The following GRM8 variants were observed in gnomAD, a reference collection of about 807,000 sequenced individuals.
GRM8 encodes metabotropic glutamate receptor 8.
GRM8 carries 47 observed loss-of-function variants against 87.2 expected under a neutral mutation model. The observed-to-expected ratio is 0.54, with a 90% CI of 0.43 to 0.69. The LOEUF (loss-of-function observed/expected upper bound fraction) is 0.69, where lower values mean the gene tolerates loss of function less well. GRM8 is among the 30% of genes least tolerant of loss of function. The pLI, the probability that GRM8 is intolerant of heterozygous loss-of-function variation, is 0.00. For missense variants in GRM8, 1,019 were observed against 1,139.2 expected, an observed-to-expected ratio of 0.89 and a Z score of 1.52; for synonymous variants, 396 against 404.5, an observed-to-expected ratio of 0.98 and a Z score of 0.25.
chr7:126,522,587 A>G (rs1317538612), intron 9 of GRM8, among the ~76,000 whole-genome samples: 1 of 152,190 alleles, frequency 6.6e-6, no homozygotes, highest in Non-Finnish European at 1.5e-5. Context: ...AAAAAGGAAT[A>G]TGTGGCCTCC....
At chr7:127,165,342 C>T (rs543513675) in intron 2 of GRM8, among the ~76,000 whole-genome samples, 43 of 151,500 alleles carry the variant, frequency 2.8e-4, no homozygotes, top group African/African-American at 9.7e-4. Context: ...AGTTTTTAAG[C>T]TCATTTTACT....
intron 9 of GRM8, among the ~76,000 whole-genome samples, chr7:126,526,849 A>G (rs1813922970): frequency 6.6e-6 from 1 of 152,226 alleles, no homozygotes; most frequent in Non-Finnish European, 1.5e-5. Flanking sequence ...CTTCACAAGC[A>G]TATCATTTAA....
At chr7:126,932,761 G>T (rs1805898151) in intron 3 of GRM8, among the ~76,000 whole-genome samples, 1 of 152,152 alleles carries the variant, frequency 6.6e-6, no homozygotes, top group Non-Finnish European at 1.5e-5. Context: ...GTCCCTTATA[G>T]CCAGGCAGGG....
At chr7:126,566,230 A>G (rs192587540) in intron 8 of GRM8, among the ~76,000 whole-genome samples, 2 of 152,306 alleles carry the variant, frequency 1.3e-5, no homozygotes, top group East Asian at 3.9e-4. Context: ...GAAAGCAGTA[A>G]AATGACAATC....
intron 3 of GRM8, among the ~76,000 whole-genome samples, chr7:127,096,188 A>T (rs1824635177): frequency 6.6e-6 from 1 of 152,194 alleles, no homozygotes; most frequent in South Asian, 2.1e-4. Flanking sequence ...CCTTTTGCTC[A>T]TTGAGCAAAT....
intron 2 of GRM8, among the ~76,000 whole-genome samples, chr7:127,212,407 GTTATT>G (rs1213041928): frequency 3.0e-4 from 36 of 118,462 alleles, no homozygotes; most frequent in Non-Finnish European, 4.2e-4. Flanking sequence ...AGGACATGGT[GTTATT>G]TTTTTTTTTT....
At chr7:127,148,622 A>G (rs1201225340) in intron 2 of GRM8, among the ~76,000 whole-genome samples, 1 of 152,060 alleles carries the variant, frequency 6.6e-6, no homozygotes, top group East Asian at 1.9e-4. Flanking sequence ...ACTCATATAC[A>G]GTATTGTTTC....
At chr7:126,790,899 C>T (rs965902280) in intron 6 of GRM8, among the ~76,000 whole-genome samples, 2 of 152,126 alleles carry the variant, frequency 1.3e-5, no homozygotes, top group African/African-American at 4.8e-5. Context: ...CAGAAGGTGC[C>T]AACTGCTCTA....
intron 10 of GRM8, among the ~76,000 whole-genome samples, chr7:126,440,410 C>CAAAA (rs35828454): frequency 6.6e-5 from 5 of 75,414 alleles, no homozygotes; most frequent in African/African-American, 1.1e-4. Context: ...GACTCCATCT[C>CAAAA]AAAAAAAAAA....
chr7:126,896,263 T>C (rs982678949), intron 6 of GRM8, among the ~76,000 whole-genome samples: 1 of 151,766 alleles, frequency 6.6e-6, no homozygotes, highest in African/African-American at 2.4e-5. Flanking sequence ...AGAAACAGCA[T>C]AAATAAGTCA....
intron 3 of GRM8, among the ~76,000 whole-genome samples, chr7:127,101,652 T>A (rs1175918075): frequency 3.3e-5 from 5 of 152,346 alleles, no homozygotes; most frequent in African/African-American, 1.2e-4. Context: ...CTATGCTTCC[T>A]GTACAGCCTG....
intron 3 of GRM8, among the ~76,000 whole-genome samples, chr7:126,994,620 AGTG>A (rs906049215): frequency 6.6e-6 from 1 of 152,138 alleles, no homozygotes; most frequent in Admixed American, 6.5e-5. Flanking sequence ...CCTATGGGCT[AGTG>A]GTGGTGGTGG....
At chr7:126,599,658 C>A (rs948105612) in intron 8 of GRM8, among the ~76,000 whole-genome samples, 1 of 152,048 alleles carries the variant, frequency 6.6e-6, no homozygotes, top group African/African-American at 2.4e-5. Flanking sequence ...CCAGATACAC[C>A]AACACAGTTC....
chr7:126,919,260 G>A (rs1371327964), intron 3 of GRM8, among the ~76,000 whole-genome samples: 1 of 152,098 alleles, frequency 6.6e-6, no homozygotes, highest in African/African-American at 2.4e-5. Context: ...AAAAAGAAGG[G>A]TGCTTGACAG....
At chr7:126,959,725 C>T (rs1809111894) in intron 3 of GRM8, among the ~76,000 whole-genome samples, 1 of 152,112 alleles carries the variant, frequency 6.6e-6, no homozygotes, top group Non-Finnish European at 1.5e-5. Context: ...TTTGCATCCC[C>T]CATGATTCCT....
chr7:127,164,637 C>T (rs1033182081), intron 2 of GRM8, among the ~76,000 whole-genome samples: 21 of 152,148 alleles, frequency 1.4e-4, no homozygotes, highest in African/African-American at 4.8e-4. Flanking sequence ...TCTCAGCACA[C>T]CTTGTTGGAA....
chr7:127,084,185 T>G (rs1219362209), intron 3 of GRM8: 1 of 152,162 alleles, frequency 6.6e-6, no homozygotes, highest in African/African-American at 2.4e-5. Context: ...TAAGATATTT[T>G]TGATCTTTTA....
intron 2 of GRM8, among the ~76,000 whole-genome samples, chr7:127,221,333 C>A (rs557189719): frequency 3.3e-5 from 5 of 152,298 alleles, no homozygotes; most frequent in South Asian, 4.1e-4. Flanking sequence ...GGGCTGTAGA[C>A]CCCGTTGAGC....
At chr7:126,675,722 G>A (rs996173397) in intron 7 of GRM8, among the ~76,000 whole-genome samples, 4 of 152,078 alleles carry the variant, frequency 2.6e-5, no homozygotes, top group Non-Finnish European at 4.4e-5. Context: ...AACAAACTAG[G>A]AATAGAAAGA....
Sources: gnomAD v4.1 joint callset for allele counts (sites outside exome capture counted in the v4.1 genomes callset) on GRCh38, gnomAD v4.1.1 for gene constraint, MANE v1.5 for transcripts, NCBI Gene and HGNC (gene_info 2026-07-23, HGNC 2026-07-21) for gene names.